TRPM3: variants seen among roughly 807,000 people sequenced by gnomAD.
The protein encoded by TRPM3 is transient receptor potential cation channel subfamily M member 3.
TRPM3 carries 77 observed loss-of-function variants against 181.2 expected under a neutral mutation model. The ratio of observed to expected loss-of-function variants is 0.42; its 90% CI spans 0.35 to 0.51. The LOEUF (loss-of-function observed/expected upper bound fraction) is 0.51, where lower values mean the gene tolerates loss of function less well. Ranked by LOEUF, TRPM3 falls within the 20% of genes least tolerant of loss-of-function variation. TRPM3 has a pLI of 0.01. For missense variants in TRPM3, 1,759 were observed against 2,196.7 expected (o/e 0.80, Z 3.98); for synonymous variants, 745 against 796.4 (o/e 0.94, Z 1.09).
chr9:71,276,752 T>C (rs982107179), intron 1 of TRPM3, among the ~76,000 whole-genome samples: 10 of 152,194 alleles, frequency 6.6e-5, no homozygotes, highest in African/African-American at 2.2e-4. Flanking sequence ...CGTAGGAAAG[T>C]TGAACATGTA....
intron 1 of TRPM3, among the ~76,000 whole-genome samples, chr9:71,001,346 C>G (rs1435633217): frequency 6.6e-6 from 1 of 152,172 alleles, no homozygotes; most frequent in Non-Finnish European, 1.5e-5. Context: ...TATAAAGATA[C>G]AGAAAGAGAC....
chr9:71,192,036 T>C (rs747820282), intron 1 of TRPM3, among the ~76,000 whole-genome samples: 1 of 151,832 alleles, frequency 6.6e-6, no homozygotes, highest in Non-Finnish European at 1.5e-5. Flanking sequence ...GGAAGAAAAA[T>C]TTATATCATA....
chr9:71,127,093 G>T (rs925826137), intron 1 of TRPM3, among the ~76,000 whole-genome samples: 3 of 151,566 alleles, frequency 2.0e-5, no homozygotes, highest in Non-Finnish European at 4.4e-5. Context: ...CTCTCTTTAG[G>T]ATTATATTCA....
At chr9:71,045,861 G>A (rs2059371773) in intron 1 of TRPM3, among the ~76,000 whole-genome samples, 1 of 152,126 alleles carries the variant, frequency 6.6e-6, no homozygotes, top group South Asian at 2.1e-4. Flanking sequence ...GGATTCAATA[G>A]CCAAATAATT....
At chr9:71,163,672 G>C (rs1371814598) in intron 1 of TRPM3, among the ~76,000 whole-genome samples, 1 of 152,106 alleles carries the variant, frequency 6.6e-6, no homozygotes, top group South Asian at 2.1e-4. Context: ...AGCCATGGGC[G>C]AGGATAAGCA....
intron 22 of TRPM3, among the ~76,000 whole-genome samples, chr9:70,569,173 C>G (rs1175777313): frequency 1.3e-5 from 2 of 152,122 alleles, no homozygotes; most frequent in Non-Finnish European, 2.9e-5. Context: ...CTCAAAGACT[C>G]AATGTAAGCC....
chr9:70,625,086 G>C lies in TRPM3; in HGVS notation c.1809+105C>G. On this transcript the variant is annotated intron_variant, in intron 14 of 25. Coordinates refer to ENST00000677713, the MANE Select transcript of TRPM3 (RefSeq NM_001366145.2). This position sits in a 1 kb window ranked among gnomAD's most constrained non-coding sequence, Gnocchi z 4.8. ...TTGATTGTTTAGGTTCACTCTCAGC[G>C]CAATTTTCTGATTTTAATTCCCCTT... 7.9e-7 allele frequency: 1 copy of C among 1,272,912 alleles called. No individual in the cohort carries two copies. Among genetic ancestry groups the C allele is most frequent in the Non-Finnish European group, 1.1e-6 (1 of 934,590 alleles). 78.9% of individuals were successfully genotyped at this position (1,272,912 alleles called of 1,614,324 possible). A position where few individuals can be genotyped will look rare whatever the true frequency, so the allele number is the denominator to read the frequency against.
intron 12 of TRPM3, among the ~76,000 whole-genome samples, chr9:70,627,986 G>A (rs2064980406): frequency 6.6e-6 from 1 of 152,152 alleles, no homozygotes; most frequent in Non-Finnish European, 1.5e-5. Context: ...ATTAAAAAGG[G>A]AGCTCAGAGA....
At chr9:70,670,712 A>T (rs11142540) in intron 9 of TRPM3, among the ~76,000 whole-genome samples, 1 of 151,956 alleles carries the variant, frequency 6.6e-6, no homozygotes, top group South Asian at 2.1e-4. Context: ...GGAATTTTTA[A>T]AACCCGTTTC....
intron 1 of TRPM3, among the ~76,000 whole-genome samples, chr9:70,977,022 A>G (rs184273398): frequency 5.3e-5 from 8 of 152,370 alleles, no homozygotes; most frequent in African/African-American, 1.7e-4. Context: ...ACACAGCAGA[A>G]CTTTATGAAG....
chr9:70,559,710 G>A (rs937734364), intron 22 of TRPM3, among the ~76,000 whole-genome samples: 14 of 152,162 alleles, frequency 9.2e-5, no homozygotes, highest in Non-Finnish European at 2.9e-5. Flanking sequence ...AGTAGAAATG[G>A]GAATGTGAGG....
At chr9:71,082,522 G>A (rs1009476263) in intron 1 of TRPM3, among the ~76,000 whole-genome samples, 16 of 152,134 alleles carry the variant, frequency 1.1e-4, no homozygotes, top group Non-Finnish European at 1.5e-4. Context: ...TATGTTTGAT[G>A]TTAAGACATA....
chr9:71,009,030 T>A (rs2097708442), intron 1 of TRPM3, among the ~76,000 whole-genome samples: 1 of 152,222 alleles, frequency 6.6e-6, no homozygotes, highest in South Asian at 2.1e-4. Flanking sequence ...CAAAATCCTT[T>A]CATGATAAAA....
chr9:71,289,867 C>T (rs1272050439), intron 1 of TRPM3, among the ~76,000 whole-genome samples: 2 of 94,058 alleles, frequency 2.1e-5, no homozygotes, highest in African/African-American at 4.5e-5. Flanking sequence ...CAGAGCAAGA[C>T]TCTGTCTCAA....
intron 5 of TRPM3, among the ~76,000 whole-genome samples, chr9:70,839,269 T>TG (rs2094502067): frequency 6.6e-6 from 1 of 152,172 alleles, no homozygotes; most frequent in Non-Finnish European, 1.5e-5. Context: ...AGGCTCTAAG[T>TG]TGGGTTCTGA....
intron 1 of TRPM3, among the ~76,000 whole-genome samples, chr9:71,034,234 G>A (rs976441816): frequency 6.6e-6 from 1 of 152,110 alleles, no homozygotes; most frequent in Admixed American, 6.5e-5. Context: ...AGAGATCCAG[G>A]CAGTACTGAA....
At chr9:70,636,968 C>G (rs546482128) in intron 11 of TRPM3, among the ~76,000 whole-genome samples, 12 of 152,224 alleles carry the variant, frequency 7.9e-5, no homozygotes, top group East Asian at 5.8e-4. Flanking sequence ...GAGGCCACTG[C>G]GCCCAACCAA....
intron 1 of TRPM3, among the ~76,000 whole-genome samples, chr9:71,115,441 C>A (rs560930054): frequency 6.6e-6 from 1 of 152,062 alleles, no homozygotes; most frequent in Non-Finnish European, 1.5e-5. Context: ...TTGTTGAATA[C>A]GTTTTGTTGG....
At chr9:70,648,975 A>T (rs1054145724) in intron 9 of TRPM3, among the ~76,000 whole-genome samples, 8 of 152,206 alleles carry the variant, frequency 5.3e-5, no homozygotes, top group African/African-American at 1.9e-4. Context: ...AATTGCAACA[A>T]AACCAAATTA....
Sources: gnomAD v4.1 joint callset for allele counts (sites outside exome capture counted in the v4.1 genomes callset) on GRCh38, gnomAD v4.1.1 for gene constraint, Gnocchi (gnomAD v3.1) non-coding constraint, MANE v1.5 for transcripts, NCBI Gene and HGNC (gene_info 2026-07-23, HGNC 2026-07-21) for gene names.